Variants in SLC14A2 observed in about 807,000 individuals in gnomAD.
SLC14A2 encodes urea transporter 2.
A neutral mutation model predicts 104.6 loss-of-function variants in SLC14A2; 91 were observed. That is an observed-to-expected ratio of 0.87 (90% CI 0.73 to 1.04). The LOEUF is 1.04. Among genes scored for constraint, SLC14A2 ranks in the 50% least tolerant of loss-of-function variants. SLC14A2 has a pLI of 0.00. For missense variants in SLC14A2, 1,189 were observed against 1,156.0 expected, an observed-to-expected ratio of 1.03 and a Z score of -0.41; for synonymous variants, 476 against 466.4, an observed-to-expected ratio of 1.02 and a Z score of -0.27.
the SLC14A2 span, among the ~76,000 whole-genome samples, chr18:45,184,130 A>G: frequency 1.3e-5 from 2 of 151,608 alleles, no homozygotes; most frequent in Non-Finnish European, 2.9e-5. Flanking sequence ...AGTGCTTGCA[A>G]TCATTAGTAA....
intron 1 of SLC14A2, among the ~76,000 whole-genome samples, chr18:45,448,456 T>C (rs1414864139): frequency 6.6e-6 from 1 of 152,208 alleles, no homozygotes; most frequent in Non-Finnish European, 1.5e-5. Context: ...GAAGTTATCA[T>C]GGCCTTTAGA....
At chr18:45,487,353 G>A (rs1404846023) in intron 2 of SLC14A2, among the ~76,000 whole-genome samples, 1 of 152,204 alleles carries the variant, frequency 6.6e-6, no homozygotes, top group African/African-American at 2.4e-5. Context: ...GGATCCACCT[G>A]AATGATGCAG....
intron 2 of SLC14A2, among the ~76,000 whole-genome samples, chr18:45,527,113 C>G (rs1404880685): frequency 3.3e-5 from 5 of 152,156 alleles, no homozygotes; most frequent in African/African-American, 7.2e-5. Context: ...AATGACAGAG[C>G]TAAGATCTTC....
intron 1 of SLC14A2, among the ~76,000 whole-genome samples, chr18:45,256,954 C>G (rs961091739): frequency 6.6e-6 from 1 of 152,210 alleles, no homozygotes; most frequent in Non-Finnish European, 1.5e-5. Context: ...GTATATTACC[C>G]CTTTACATGG....
intron 2 of SLC14A2, among the ~76,000 whole-genome samples, chr18:45,589,379 A>AC (rs1491024726): frequency 3.6e-4 from 55 of 152,064 alleles, no homozygotes; most frequent in South Asian, 8.3e-4. Flanking sequence ...AAGTGCACAC[A>AC]AACACACACA....
At chr18:45,271,017 T>C (rs1357370454) in intron 1 of SLC14A2, among the ~76,000 whole-genome samples, 1 of 152,204 alleles carries the variant, frequency 6.6e-6, no homozygotes, top group Non-Finnish European at 1.5e-5. Context: ...CCTTCCTTTA[T>C]GTGTGTAAGG....
intron 1 of SLC14A2, among the ~76,000 whole-genome samples, chr18:45,273,350 T>C (rs2084670214): frequency 6.6e-6 from 1 of 152,130 alleles, no homozygotes; most frequent in Non-Finnish European, 1.5e-5. Flanking sequence ...TTCTCATCCC[T>C]GAACCATTCA....
At chr18:45,571,769 G>A (rs1330499796) in intron 2 of SLC14A2, among the ~76,000 whole-genome samples, 1 of 152,172 alleles carries the variant, frequency 6.6e-6, no homozygotes, top group Non-Finnish European at 1.5e-5. Flanking sequence ...ACGGCAGTCT[G>A]ATCCATTACT....
the SLC14A2 span, among the ~76,000 whole-genome samples, chr18:45,202,330 T>C: frequency 6.6e-6 from 1 of 152,138 alleles, no homozygotes; most frequent in South Asian, 2.1e-4. Context: ...GAGTTGATCC[T>C]TAGGATAAAG....
intron 1 of SLC14A2, among the ~76,000 whole-genome samples, chr18:45,433,235 T>G (rs907301240): frequency 4.6e-5 from 7 of 152,084 alleles, no homozygotes; most frequent in African/African-American, 1.5e-4. Context: ...GTGGAGAATA[T>G]AGTACCCCCT....
At chr18:45,286,983 T>C (rs2084821274) in intron 1 of SLC14A2, among the ~76,000 whole-genome samples, 1 of 152,238 alleles carries the variant, frequency 6.6e-6, no homozygotes, top group Admixed American at 6.5e-5. Flanking sequence ...AGCAGCTACC[T>C]GTGTGCACTC....
the SLC14A2 span, among the ~76,000 whole-genome samples, chr18:45,195,495 G>A: frequency 6.6e-6 from 1 of 152,020 alleles, no homozygotes; most frequent in Non-Finnish European, 1.5e-5. Flanking sequence ...AGGTTCAAGC[G>A]ATTCTTCTGC....
At chr18:45,635,660 G>A (rs1026118057) in intron 5 of SLC14A2, among the ~76,000 whole-genome samples, 1 of 152,190 alleles carries the variant, frequency 6.6e-6, no homozygotes, top group Non-Finnish European at 1.5e-5. Context: ...CAACCATTTC[G>A]AGGGCTACTG....
upstream of SLC14A2, chr18:45,615,365 G>C (rs1402083962): frequency 2.6e-5 from 4 of 152,174 alleles, no homozygotes; most frequent in Non-Finnish European, 5.9e-5. Flanking sequence ...GCAGGACCCA[G>C]GGCAAGGTGA....
intron 1 of SLC14A2, among the ~76,000 whole-genome samples, chr18:45,474,959 A>C (rs1056883451): frequency 6.6e-6 from 1 of 151,808 alleles, no homozygotes; most frequent in Non-Finnish European, 1.5e-5. Context: ...AGTTCTTTTA[A>C]TTGTGATGTA....
intron 1 of SLC14A2, among the ~76,000 whole-genome samples, chr18:45,288,485 A>C (rs987089575): frequency 3.9e-5 from 6 of 152,184 alleles, no homozygotes; most frequent in Non-Finnish European, 7.3e-5. Context: ...CTTCCCCTAC[A>C]GGTACCCCTG....
intron 2 of SLC14A2, among the ~76,000 whole-genome samples, chr18:45,534,351 T>C (rs981844270): frequency 1.9e-4 from 29 of 152,000 alleles, no homozygotes; most frequent in Admixed American, 2.0e-4. Flanking sequence ...CCTAAATTTA[T>C]AGTCAAAAGG....
the SLC14A2 span, chr18:45,169,282 A>G: frequency 2.6e-5 from 4 of 152,180 alleles, no homozygotes; most frequent in African/African-American, 7.2e-5. Flanking sequence ...AAATTTGACT[A>G]AGTGTGATCT....
chr18:45,290,504 G>A (rs2084858672), intron 1 of SLC14A2, among the ~76,000 whole-genome samples: 1 of 152,156 alleles, frequency 6.6e-6, no homozygotes, highest in African/African-American at 2.4e-5. Context: ...AGGAGATGTG[G>A]GTTCTATTCC....
Sources: allele counts gnomAD v4.1 joint callset (sites outside exome capture counted in the v4.1 genomes callset), GRCh38; gene constraint gnomAD v4.1.1; transcripts MANE v1.5; gene names NCBI Gene and HGNC (gene_info 2026-07-23, HGNC 2026-07-21).